The following NFIX variants were observed in gnomAD, a reference collection of about 807,000 sequenced individuals.
NFIX encodes the protein nuclear factor 1 X-type.
NFIX carries 2 observed loss-of-function variants against 53.3 expected under a neutral mutation model. The ratio of observed to expected loss-of-function variants is 0.04; its 90% CI spans 0.02 to 0.12. NFIX has a LOEUF of 0.12. Ranked by LOEUF, NFIX falls within the 10% of genes least tolerant of loss-of-function variation. The probability of loss-of-function intolerance (pLI) is 1.00; values close to 1 mark genes in which losing one functional copy is unlikely to be tolerated. For synonymous variants in NFIX, 244 were observed against 289.0 expected (o/e 0.84, Z 1.58); for missense variants, 310 against 674.5 (o/e 0.46, Z 5.99).
intron 10 of NFIX, among the ~76,000 whole-genome samples, chr19:13,091,225 A>T (rs1436029557): frequency 6.6e-6 from 1 of 152,108 alleles, no homozygotes; most frequent in East Asian, 1.9e-4. Context: ...CAAAAACACC[A>T]CCTTGGAGGT....
intron 1 of NFIX, chr19:13,024,341 G>A (rs2013148924): frequency 3.1e-6 from 1 of 325,778 alleles, no homozygotes; most frequent in Non-Finnish European, 4.4e-6. Context: ...CGATAACAAA[G>A]CTGAAATCAC....
chr19:13,040,220 GC>G lies in NFIX; in HGVS notation c.559+14669del, dbSNP rs2014520677. Among the ~76,000 whole-genome samples the G allele has an allele frequency of 6.6e-6, 1 of 152,186 alleles. No individual in the cohort carries two copies. Among genetic ancestry groups the G allele is most frequent in the African/African-American group, 2.4e-5 (1 of 41,448 alleles). ...CCCCGCTGAGTACCTTGTTACAGGG[GC>G]TACTGCTTGGTGGGCTCAGCCCACC... On this transcript the variant is annotated intron_variant, in intron 2 of 10. Coordinates refer to ENST00000592199, the MANE Select transcript of NFIX (RefSeq NM_001365902.3). The surrounding 1 kb of genome is among the most constrained non-coding windows in gnomAD (Gnocchi z 4.2).
At position 13,021,747 on chromosome 19, in the gene NFIX, C is replaced by T. The variant is rs200187162; in HGVS notation, c.28-3274C>T. Reference sequence around the variant, plus strand: ...TCCATAGCTCTAACTGGAGAGACCCCCTCAGAAGTGGGACTCCCCTACCCA... The same window carrying T: ...TCCATAGCTCTAACTGGAGAGACCCTCTCAGAAGTGGGACTCCCCTACCCA... On this transcript the variant is annotated intron_variant, in intron 1 of 10. Transcript: ENST00000592199. The surrounding 1 kb of genome is among the most constrained non-coding windows in gnomAD (Gnocchi z 4.2). Among the ~76,000 whole-genome samples the T allele has an allele frequency of 2.6e-5, 4 of 152,064 alleles. No individual in the cohort carries two copies. The East Asian group carries it at 7.7e-4, about 29-fold the overall frequency.
At chr19:13,046,960 G>A (rs2015030366) in intron 2 of NFIX, among the ~76,000 whole-genome samples, 1 of 152,088 alleles carries the variant, frequency 6.6e-6, no homozygotes, top group African/African-American at 2.4e-5. Flanking sequence ...GGTGGCCCTG[G>A]GTTGGCTATT....
In NFIX at chr19:13,072,343, A is replaced by G. The variant is rs551006887; in HGVS notation, c.560-704A>G. Among the ~76,000 whole-genome samples, 1 of 152,330 alleles carries G rather than the reference A, an allele frequency of 6.6e-6. No homozygotes were observed. Among genetic ancestry groups the G allele is most frequent in the South Asian group, 2.1e-4 (1 of 4,826 alleles). Reference sequence around the variant, plus strand: ...AGCCCTTGTCTCGGGGCTCCCTCTGAGCAGCTGTGGCACCGGGGCATGAGA... The same window carrying G: ...AGCCCTTGTCTCGGGGCTCCCTCTGGGCAGCTGTGGCACCGGGGCATGAGA... On this transcript the variant is annotated intron_variant, in intron 2 of 10. Coordinates refer to ENST00000592199, the MANE Select transcript of NFIX (RefSeq NM_001365902.3). The surrounding 1 kb of genome is among the most constrained non-coding windows in gnomAD (Gnocchi z 4.0).
rs1568269727 is a variant in NFIX, at chr19:13,025,627, A to G, written c.559+75A>G. The G allele has an allele frequency of 2.0e-6, 3 of 1,526,046 alleles. No homozygotes were observed. Among genetic ancestry groups the G allele is most frequent in the East Asian group, 4.5e-5 (2 of 44,150 alleles). The allele number at this position is 1,526,046 out of a possible 1,614,324, so 94.5% of individuals were successfully genotyped here. On this transcript the variant is annotated intron_variant, in intron 2 of 10. Transcript: ENST00000592199. This position sits in a 1 kb window ranked among gnomAD's most constrained non-coding sequence, Gnocchi z 7.5. ...CATTTGTTCTGTTTATTGTTCCTCT[A>G]ATTTCCAAGCGATAACTCGCCATGG... is the stretch of plus-strand genomic sequence containing the variant.
chr19:13,055,371 G>A (rs553589662), intron 2 of NFIX, among the ~76,000 whole-genome samples: 1 of 152,284 alleles, frequency 6.6e-6, no homozygotes, highest in South Asian at 2.1e-4. Flanking sequence ...CTCCCGCAGG[G>A]TGAGGGTCCC....
chr19:13,053,825 G>A (rs2015476973), intron 2 of NFIX, among the ~76,000 whole-genome samples: 2 of 152,098 alleles, frequency 1.3e-5, no homozygotes, highest in African/African-American at 2.4e-5. Context: ...GTTGAGGTGT[G>A]GGGGAACAGA....
At position 13,078,828 on chromosome 19, in the gene NFIX, G is replaced by A. The variant is rs563702822; in HGVS notation, c.1078+93G>A. The A allele has an allele frequency of 3.3e-4, 449 of 1,380,874 alleles. 1 individual carries two copies. In the African/African-American group the frequency reaches 6.6e-3, roughly 20 times the overall value. 85.5% of individuals were successfully genotyped at this position (1,380,874 alleles called of 1,614,324 possible). A position where few individuals can be genotyped will look rare whatever the true frequency, so the allele number is the denominator to read the frequency against. ...AGGTGAAGGGGCCAGAGCTGACCCC[G>A]AGTGACAGCCCCACGCTCTCCAAGT... On this transcript the variant is annotated intron_variant, in intron 7 of 10. Transcript: ENST00000592199. This position sits in a 1 kb window ranked among gnomAD's most constrained non-coding sequence, Gnocchi z 4.7.
At position 13,078,840 on chromosome 19, in the gene NFIX, C is replaced by T; in HGVS notation, c.1078+105C>T. 7.5e-7 allele frequency: 1 copy of T among 1,326,392 alleles called. No individual in the cohort carries two copies. Among genetic ancestry groups the T allele is most frequent in the South Asian group, 1.5e-5 (1 of 67,428 alleles). The allele number at this position is 1,326,392 out of a possible 1,614,324, so 82.2% of individuals were successfully genotyped here. A position where few individuals can be genotyped will look rare whatever the true frequency, so the allele number is the denominator to read the frequency against. On this transcript the variant is annotated intron_variant, in intron 7 of 10. Coordinates refer to ENST00000592199, the MANE Select transcript of NFIX (RefSeq NM_001365902.3). This position sits in a 1 kb window ranked among gnomAD's most constrained non-coding sequence, Gnocchi z 4.7. ...CAGAGCTGACCCCGAGTGACAGCCCCACGCTCTCCAAGTGGGCCAAGGTGC... is the reference window on the plus strand; with the variant it reads ...CAGAGCTGACCCCGAGTGACAGCCCTACGCTCTCCAAGTGGGCCAAGGTGC...
At chr19:13,056,073 T>C (rs1320308091) in intron 2 of NFIX, among the ~76,000 whole-genome samples, 1 of 152,138 alleles carries the variant, frequency 6.6e-6, no homozygotes, top group Non-Finnish European at 1.5e-5. Flanking sequence ...GGGGTCCTAA[T>C]GAGAAAATTG....
At chr19:13,070,940 A>G (rs920822196) in intron 2 of NFIX, 2 of 152,350 alleles carry the variant, frequency 1.3e-5, no homozygotes, top group African/African-American at 2.4e-5. Flanking sequence ...GCGCATGCGC[A>G]TCCACACGCG....
rs2013235237 is a variant in NFIX, at chr19:13,025,202, A to C, written c.209A>C (p.Lys70Thr). Reference sequence around the variant, plus strand: ...GGCGAGAAGCCCGAGATCAAGCAGAAGTGGGCATCCCGGCTGCTGGCCAAG... The same window carrying C: ...GGCGAGAAGCCCGAGATCAAGCAGACGTGGGCATCCCGGCTGCTGGCCAAG... ...LLGEKPEIKQ[K>T]WASRLLAKLR... Residue 70 changes from lysine to threonine, a missense_variant, in exon 2 of 11, where the codon AAG becomes ACG. Coordinates refer to ENST00000592199, the MANE Select transcript of NFIX (RefSeq NM_001365902.3). The surrounding 1 kb of genome is among the most constrained non-coding windows in gnomAD (Gnocchi z 7.5). 1 of 1,614,076 alleles carries C rather than the reference A, an allele frequency of 6.2e-7. No homozygotes were observed. The highest frequency in any genetic ancestry group is 8.5e-7 in the Non-Finnish European group (1 of 1,180,050).
In NFIX at chr19:12,996,527, G is replaced by A. The variant is rs1269049225; in HGVS notation, c.27+663G>A. Among the ~76,000 whole-genome samples, 3 of 151,046 alleles carry A rather than the reference G, an allele frequency of 2.0e-5. No individual in the cohort carries two copies. In the South Asian group the frequency reaches 6.3e-4, roughly 32 times the overall value. ...CAAATTTCGGAGGGGCAGGGGAGGG[G>A]AGAGGGGGGCGGGCGCGCTGCCAGC... On this transcript the variant is annotated intron_variant, in intron 1 of 10. Transcript: ENST00000592199. The surrounding 1 kb of genome is among the most constrained non-coding windows in gnomAD (Gnocchi z 5.2).
Position 13,081,881 on chromosome 19 carries a change from C to T in NFIX, c.1254+26C>T, listed in dbSNP as rs781493037. 3.1e-6 allele frequency: 5 copies of T among 1,611,080 alleles called. No individual in the cohort carries two copies. The highest frequency in any genetic ancestry group is 2.2e-5 in the South Asian group (2 of 90,732). The stretch of plus-strand genomic sequence containing the variant: ...GTGAGTCCAGAGGGCCCCAGGAGCC[C>T]GGCTACAGCCTCATCTCCACATCTA... On this transcript the variant is annotated intron_variant, in intron 8 of 10. Coordinates refer to ENST00000592199, the MANE Select transcript of NFIX (RefSeq NM_001365902.3). This position sits in a 1 kb window ranked among gnomAD's most constrained non-coding sequence, Gnocchi z 4.7.
rs2014580603 is a variant in NFIX at position 13,040,944 on chromosome 19, T to TCCTAAACCTCTTTCCTCTGGC, written c.559+15395_559+15415dup. 6.6e-6 allele frequency among the ~76,000 whole-genome samples: 1 copy of TCCTAAACCTCTTTCCTCTGGC among 152,196 alleles called. No individual in the cohort carries two copies. Among genetic ancestry groups the TCCTAAACCTCTTTCCTCTGGC allele is most frequent in the Non-Finnish European group, 1.5e-5 (1 of 68,036 alleles). ...AGCTCCTTCCTCCTCTCTCACCTGGTCCTAAACCTCTTTCCTCTGGCCCCA... is the reference window on the plus strand; with the variant it reads ...AGCTCCTTCCTCCTCTCTCACCTGGTCCTAAACCTCTTTCCTCTGGCCCTAAACCTCTTTCCTCTGGCCCCA... On this transcript the variant is annotated intron_variant, in intron 2 of 10. Coordinates refer to ENST00000592199, the MANE Select transcript of NFIX (RefSeq NM_001365902.3). This position sits in a 1 kb window ranked among gnomAD's most constrained non-coding sequence, Gnocchi z 4.2.
rs904281001 is a variant in NFIX, at chr19:13,002,024, C to T, written c.27+6160C>T. On this transcript the variant is annotated intron_variant, in intron 1 of 10. Transcript: ENST00000592199. The surrounding 1 kb of genome is among the most constrained non-coding windows in gnomAD (Gnocchi z 6.1). ...ATTGATCTTGGCTTCTGCCTGTGTC[C>T]GTTCTAGCCTGGCCAGCTGGGTGTC... Among the ~76,000 whole-genome samples, 2 of 152,172 alleles carry T rather than the reference C, an allele frequency of 1.3e-5. No individual in the cohort carries two copies. The highest frequency in any genetic ancestry group is 2.4e-5 in the African/African-American group (1 of 41,450).
chr19:13,083,247 G>A (rs954977659), intron 8 of NFIX, among the ~76,000 whole-genome samples: 13 of 152,320 alleles, frequency 8.5e-5, no homozygotes, highest in East Asian at 7.7e-4. Context: ...AGTTCACGGG[G>A]AGCTACCAGC....
chr19:13,081,889 G>C lies in NFIX; in HGVS notation c.1254+34G>C. 6.2e-7 allele frequency: 1 copy of C among 1,609,498 alleles called. No individual in the cohort carries two copies. ...AGAGGGCCCCAGGAGCCCGGCTACA[G>C]CCTCATCTCCACATCTATCTGTCTG... On this transcript the variant is annotated intron_variant, in intron 8 of 10. Coordinates refer to ENST00000592199, the MANE Select transcript of NFIX (RefSeq NM_001365902.3). The surrounding 1 kb of genome is among the most constrained non-coding windows in gnomAD (Gnocchi z 4.7).
Sources: allele counts gnomAD v4.1 joint callset (sites outside exome capture counted in the v4.1 genomes callset), GRCh38; gene constraint gnomAD v4.1.1; non-coding constraint Gnocchi (gnomAD v3.1); transcripts MANE v1.5; gene names NCBI Gene and HGNC (gene_info 2026-07-23, HGNC 2026-07-21).